ALK: variants seen among roughly 807,000 people sequenced by gnomAD.
ALK encodes ALK tyrosine kinase receptor.
ALK carries 74 observed loss-of-function variants against 163.1 expected under a neutral mutation model. The observed-to-expected ratio is 0.45, with a 90% CI of 0.38 to 0.55. The LOEUF (loss-of-function observed/expected upper bound fraction) is 0.55. Ranked by LOEUF, ALK falls within the 20% of genes least tolerant of loss-of-function variation. The pLI, the probability that ALK is intolerant of heterozygous loss-of-function variation, is 0.00. For missense variants in ALK, 2,063 were observed against 2,105.3 expected (o/e 0.98, Z 0.39); for synonymous variants, 960 against 843.2 (o/e 1.14, Z -2.40).
chr2:29,742,422 C>T (rs933537495), intron 1 of ALK, among the ~76,000 whole-genome samples: 1 of 152,176 alleles, frequency 6.6e-6, no homozygotes, highest in South Asian at 2.1e-4. Flanking sequence ...GGCGGCCTTG[C>T]CTCTGTTACA....
chr2:29,519,473 C>T (rs1378469076), intron 4 of ALK, among the ~76,000 whole-genome samples: 1 of 152,114 alleles, frequency 6.6e-6, no homozygotes, highest in Non-Finnish European at 1.5e-5. Flanking sequence ...AACTAAGGAC[C>T]TTGGGTATAT....
chr2:29,832,955 A>T (rs1326739137), intron 1 of ALK, among the ~76,000 whole-genome samples: 1 of 152,214 alleles, frequency 6.6e-6, no homozygotes, highest in Non-Finnish European at 1.5e-5. Context: ...GTAGGGATTG[A>T]CAGGGCAAAG....
intron 2 of ALK, among the ~76,000 whole-genome samples, chr2:29,697,196 G>A (rs1195706499): frequency 6.6e-6 from 1 of 152,154 alleles, no homozygotes; most frequent in Non-Finnish European, 1.5e-5. Flanking sequence ...AAGGCCATAG[G>A]TAACTGGAAT....
intron 11 of ALK, among the ~76,000 whole-genome samples, chr2:29,254,325 A>G (rs897248097): frequency 6.6e-6 from 1 of 152,066 alleles, no homozygotes; most frequent in East Asian, 1.9e-4. Flanking sequence ...ATATGAATAC[A>G]TATATGTGTG....
intron 5 of ALK, among the ~76,000 whole-genome samples, chr2:29,337,046 C>T (rs968654999): frequency 2.6e-5 from 4 of 152,148 alleles, no homozygotes; most frequent in Non-Finnish European, 5.9e-5. Flanking sequence ...AGGCTCTCAA[C>T]AGCCTCAAGA....
At chr2:29,760,512 C>T (rs896221265) in intron 1 of ALK, among the ~76,000 whole-genome samples, 1 of 152,128 alleles carries the variant, frequency 6.6e-6, no homozygotes, top group Non-Finnish European at 1.5e-5. Context: ...CAGTGTAGAA[C>T]CTCACTAAGG....
chr2:29,869,190 A>C (rs75122326), intron 1 of ALK, among the ~76,000 whole-genome samples: 2,271 of 152,302 alleles, frequency 0.015, 62 homozygotes, highest in East Asian at 0.096. Flanking sequence ...GCTGATTTAT[A>C]CCTCTAAGTT....
intron 2 of ALK, among the ~76,000 whole-genome samples, chr2:29,709,297 T>C (rs532647927): frequency 2.0e-5 from 3 of 152,282 alleles, no homozygotes; most frequent in Admixed American, 1.3e-4. Flanking sequence ...CTGAAACTGA[T>C]TAATATGACT....
chr2:29,302,024 G>A (rs534251432), intron 8 of ALK, among the ~76,000 whole-genome samples: 8 of 152,306 alleles, frequency 5.3e-5, no homozygotes, highest in African/African-American at 1.9e-4. Context: ...TTATCATCCA[G>A]CCAGGAAGAT....
At chr2:29,344,493 T>G (rs1192134408) in intron 5 of ALK, among the ~76,000 whole-genome samples, 1 of 152,106 alleles carries the variant, frequency 6.6e-6, no homozygotes, top group Non-Finnish European at 1.5e-5. Context: ...AGAGGTCAGG[T>G]GTAGGCACTC....
intron 1 of ALK, among the ~76,000 whole-genome samples, chr2:29,820,927 A>T (rs1435333463): frequency 1.3e-5 from 2 of 152,096 alleles, no homozygotes; most frequent in African/African-American, 2.4e-5. Context: ...ACCTCAGCAC[A>T]CTTGTTTTGG....
chr2:29,439,754 G>A (rs1670490235), intron 4 of ALK, among the ~76,000 whole-genome samples: 2 of 152,006 alleles, frequency 1.3e-5, no homozygotes, highest in Non-Finnish European at 2.9e-5. Flanking sequence ...AGAAGCAGAA[G>A]TGGGAGGGAT....
At chr2:29,627,189 C>G (rs1676215748) in intron 3 of ALK, among the ~76,000 whole-genome samples, 2 of 152,194 alleles carry the variant, frequency 1.3e-5, no homozygotes. Context: ...TTTTCTAGAC[C>G]ACCACGGTTC....
At position 29,538,357 on chromosome 2, in the gene ALK, T is replaced by A. The variant is rs1306400066; in HGVS notation, c.953-6241A>T. On this transcript the variant is annotated intron_variant, in intron 3 of 28. Coordinates refer to ENST00000389048, the MANE Select transcript of ALK (RefSeq NM_004304.5). ...TACAACCCCCTTGGTGATAAGTGAGTTCTTGCTCAGTTAGTTATGTGAGAT... is the reference window on the plus strand; with the variant it reads ...TACAACCCCCTTGGTGATAAGTGAGATCTTGCTCAGTTAGTTATGTGAGAT... Among the ~76,000 whole-genome samples the A allele has an allele frequency of 2.0e-5, 3 of 152,094 alleles. No individual in the cohort carries two copies. In the East Asian group the frequency reaches 5.8e-4, roughly 29 times the overall value.
At position 29,211,589 on chromosome 2, in the gene ALK, CT is replaced by C. The variant is rs145249673; in HGVS notation, c.3744-1712del. ...ATGTGGATCTGGTGAGGAAGTTCCA[CT>C]CTGAATTCCAAAAGCGTAAAAGTAT... On this transcript the variant is annotated intron_variant, in intron 24 of 28. Transcript: ENST00000389048. Among the ~76,000 whole-genome samples the C allele has an allele frequency of 8.9e-3, 1,354 of 152,306 alleles. 18 individuals carry two copies. The highest frequency in any genetic ancestry group is 0.031 in the African/African-American group (1,285 of 41,568).
chr2:29,545,595 T>C (rs1673532172), intron 3 of ALK, among the ~76,000 whole-genome samples: 1 of 152,180 alleles, frequency 6.6e-6, no homozygotes, highest in South Asian at 2.1e-4. Context: ...CTGGCTTCCA[T>C]AGCAGAGCTG....
chr2:29,664,497 T>A (rs1179944998), intron 3 of ALK, among the ~76,000 whole-genome samples: 1 of 152,102 alleles, frequency 6.6e-6, no homozygotes, highest in African/African-American at 2.4e-5. Context: ...GGTCTTCTTG[T>A]GGCTACCCTT....
At chr2:29,243,746 G>A (rs562790410) in intron 12 of ALK, among the ~76,000 whole-genome samples, 5 of 152,194 alleles carry the variant, frequency 3.3e-5, no homozygotes, top group Non-Finnish European at 7.3e-5. Context: ...TCTCTCTGAA[G>A]CTTTCTTCCC....
At chr2:29,767,124 G>C (rs1308486887) in intron 1 of ALK, among the ~76,000 whole-genome samples, 1 of 152,162 alleles carries the variant, frequency 6.6e-6, no homozygotes, top group Non-Finnish European at 1.5e-5. Flanking sequence ...TATGCACCAG[G>C]CACTGTGATC....
Sources: allele counts gnomAD v4.1 joint callset (sites outside exome capture counted in the v4.1 genomes callset), GRCh38; gene constraint gnomAD v4.1.1; transcripts MANE v1.5; gene names NCBI Gene and HGNC (gene_info 2026-07-23, HGNC 2026-07-21).